Variants in CLIC5 observed in about 807,000 individuals in gnomAD.
CLIC5 encodes CLIC family member 5, also known as chloride intracellular channel protein 5.
Under a neutral mutation model 24.7 loss-of-function variants are expected in CLIC5, and 20 were observed. That is an observed-to-expected ratio of 0.81 (90% CI 0.57 to 1.18). CLIC5 has a LOEUF of 1.18. Ranked by LOEUF, CLIC5 falls within the 50% of genes most tolerant of loss-of-function variation. The probability of loss-of-function intolerance (pLI) is 0.00; values close to 1 mark genes in which losing one functional copy is unlikely to be tolerated. For synonymous variants in CLIC5, 159 were observed against 135.6 expected, an observed-to-expected ratio of 1.17 and a Z score of -1.20; for missense variants, 341 against 326.1, an observed-to-expected ratio of 1.05 and a Z score of -0.35.
intron 4 of CLIC5, among the ~76,000 whole-genome samples, chr6:45,922,271 T>C (rs1581739943): frequency 6.6e-6 from 1 of 152,244 alleles, no homozygotes; most frequent in East Asian, 1.9e-4. Context: ...CTTACAATTA[T>C]GGTGGGTTGG....
intron 1 of CLIC5, among the ~76,000 whole-genome samples, chr6:46,039,360 A>G (rs115617951): frequency 0.019 from 2,902 of 149,686 alleles, 112 homozygotes; most frequent in African/African-American, 0.068. Flanking sequence ...TTCCAAAGTA[A>G]ATTTAGACCA....
At chr6:46,013,713 G>A (rs940699082) in intron 1 of CLIC5, among the ~76,000 whole-genome samples, 1 of 152,124 alleles carries the variant, frequency 6.6e-6, no homozygotes, top group Non-Finnish European at 1.5e-5. Context: ...AGGTAGAATC[G>A]GTCTCCACAC....
chr6:46,028,610 T>C (rs1438057906), intron 1 of CLIC5, among the ~76,000 whole-genome samples: 1 of 152,244 alleles, frequency 6.6e-6, no homozygotes, highest in Non-Finnish European at 1.5e-5. Flanking sequence ...TTCTAAGCCA[T>C]GTATGATCTA....
chr6:45,941,653 C>G lies in CLIC5; in HGVS notation c.300G>C (p.Lys100Asn). 1 of 1,612,064 alleles carries G rather than the reference C, an allele frequency of 6.2e-7. No individual in the cohort carries two copies. Among genetic ancestry groups the G allele is most frequent in the Non-Finnish European group, 8.5e-7 (1 of 1,178,276 alleles). ...GGTGTTTTGCAGCCAGTTTGGGGTA[C>G]CTGGAATGGAGGATGCAGTGTTCTG... ...EFLEETLTPE[K>N]YPKLAAKHRE... Residue 100 changes from lysine to asparagine, a missense_variant and splice_region_variant, in exon 4 of 6, where the codon AAG (lysine) becomes AAC (asparagine). Transcript: ENST00000339561.
At chr6:46,054,273 A>G (rs1768185622) in intron 1 of CLIC5, among the ~76,000 whole-genome samples, 1 of 152,118 alleles carries the variant, frequency 6.6e-6, no homozygotes, top group African/African-American at 2.4e-5. Flanking sequence ...AATGAGAACA[A>G]GACTGGCTAT....
chr6:45,884,652 T>G (rs1762288978), intron 6 of CLIC5, among the ~76,000 whole-genome samples: 1 of 152,172 alleles, frequency 6.6e-6, no homozygotes, highest in Non-Finnish European at 1.5e-5. Flanking sequence ...GAAGCTGGGC[T>G]GTGTCCTGAG....
intron 1 of CLIC5, among the ~76,000 whole-genome samples, chr6:46,073,410 A>C (rs1437321976): frequency 6.6e-6 from 1 of 152,236 alleles, no homozygotes; most frequent in African/African-American, 2.4e-5. Context: ...AAATTGGTTT[A>C]TATGAAGCCA....
chr6:45,971,096 A>G (rs998980264), intron 1 of CLIC5, among the ~76,000 whole-genome samples: 1 of 152,242 alleles, frequency 6.6e-6, no homozygotes, highest in Admixed American at 6.5e-5. Flanking sequence ...TGTAAGTCTT[A>G]GAATTTGCTA....
chr6:46,066,494 A>G (rs1465701094), intron 1 of CLIC5, among the ~76,000 whole-genome samples: 2 of 152,096 alleles, frequency 1.3e-5, no homozygotes, highest in Non-Finnish European at 2.9e-5. Flanking sequence ...ATTTCCCAGA[A>G]CACACCAAGA....
At chr6:45,951,966 T>C (rs1442171455) in intron 2 of CLIC5, among the ~76,000 whole-genome samples, 1 of 152,196 alleles carries the variant, frequency 6.6e-6, no homozygotes, top group Non-Finnish European at 1.5e-5. Context: ...TAAAATCTAA[T>C]TTACTTAGTC....
At chr6:46,057,341 T>C (rs1281568765) in intron 1 of CLIC5, among the ~76,000 whole-genome samples, 1 of 152,206 alleles carries the variant, frequency 6.6e-6, no homozygotes, top group African/African-American at 2.4e-5. Flanking sequence ...TGCTTTTGCT[T>C]CTTCCTCATT....
chr6:46,109,757 C>A, the CLIC5 span, among the ~76,000 whole-genome samples: 1 of 152,010 alleles, frequency 6.6e-6, no homozygotes, highest in Non-Finnish European at 1.5e-5. Context: ...CTTTTGTGAG[C>A]AAAGTTGAAA....
the CLIC5 span, among the ~76,000 whole-genome samples, chr6:46,106,858 T>C: frequency 6.6e-6 from 1 of 152,252 alleles, no homozygotes; most frequent in African/African-American, 2.4e-5. Context: ...AGATAAACTT[T>C]ATCCTTTTGC....
At chr6:46,025,504 C>G (rs1767305480) in intron 1 of CLIC5, among the ~76,000 whole-genome samples, 1 of 152,174 alleles carries the variant, frequency 6.6e-6, no homozygotes, top group South Asian at 2.1e-4. Flanking sequence ...TCCCAAGTAT[C>G]TGCTTATAAT....
intron 1 of CLIC5, among the ~76,000 whole-genome samples, chr6:45,996,301 G>C (rs1419585569): frequency 6.6e-6 from 1 of 152,028 alleles, no homozygotes; most frequent in Non-Finnish European, 1.5e-5. Context: ...TAGGTTGCCT[G>C]TTCACTCTGA....
In CLIC5 at chr6:45,950,388, C is replaced by A. The variant is rs60586669; in HGVS notation, c.174-1007G>T. On this transcript the variant is annotated intron_variant, in intron 2 of 5. Transcript: ENST00000339561. ...CCAGCCTGGGCAACATAGCAAGACC[C>A]CCATCTTTACAAAAAAAAAAAACAA... 3.7e-3 allele frequency among the ~76,000 whole-genome samples: 565 copies of A among 151,274 alleles called. 3 individuals are homozygous for A. The highest frequency in any genetic ancestry group is 0.013 in the African/African-American group (545 of 41,050).
At chr6:45,888,108 C>T (rs1002685020) in intron 6 of CLIC5, among the ~76,000 whole-genome samples, 8 of 152,164 alleles carry the variant, frequency 5.3e-5, no homozygotes, top group Admixed American at 2.0e-4. Context: ...CCACAGAAGA[C>T]GACTGAAGTG....
At chr6:46,005,123 C>T (rs1342291405) in intron 1 of CLIC5, among the ~76,000 whole-genome samples, 1 of 152,206 alleles carries the variant, frequency 6.6e-6, no homozygotes, top group Non-Finnish European at 1.5e-5. Context: ...GTTGCCATGA[C>T]AATCTCCCAA....
intron 1 of CLIC5, among the ~76,000 whole-genome samples, chr6:45,963,417 G>A (rs758892489): frequency 6.6e-6 from 1 of 151,988 alleles, no homozygotes; most frequent in Non-Finnish European, 1.5e-5. Context: ...GGAGCATAGG[G>A]TCCCTCATTT....
Sources: allele counts gnomAD v4.1 joint callset (sites outside exome capture counted in the v4.1 genomes callset), GRCh38; gene constraint gnomAD v4.1.1; transcripts MANE v1.5; gene names NCBI Gene and HGNC (gene_info 2026-07-23, HGNC 2026-07-21).